The following RORB variants were observed in gnomAD, a reference collection of about 807,000 sequenced individuals.
RORB encodes the protein RAR related orphan receptor B, also known as nuclear receptor ROR-beta.
In RORB, 6 loss-of-function variants were observed where a neutral mutation model predicts 59.1. The observed-to-expected ratio is 0.10, with a 90% confidence interval of 0.06 to 0.20. The LOEUF (loss-of-function observed/expected upper bound fraction) is 0.20. Among genes scored for constraint, RORB ranks in the 10% least tolerant of loss-of-function variants. RORB has a pLI of 1.00. For synonymous variants in RORB, 215 were observed against 204.5 expected (o/e 1.05, Z -0.44); for missense variants, 320 against 560.5 (o/e 0.57, Z 4.33).
chr9:74,631,610 T>G (rs1401135806), intron 2 of RORB, among the ~76,000 whole-genome samples: 1 of 151,734 alleles, frequency 6.6e-6, no homozygotes, highest in Non-Finnish European at 1.5e-5. Flanking sequence ...AAAACTGGAG[T>G]GAAGAAAAGA....
rs562446132 is a variant in RORB, at chr9:74,607,153, C to T, written c.8-23129C>T. ...AACATGCAAAATTACTACCATCACC[C>T]ATGACACCAAATAATAGAAGTCTTC... On this transcript the variant is annotated intron_variant, in intron 1 of 9. Coordinates refer to ENST00000376896, the MANE Select transcript of RORB (RefSeq NM_006914.4). 9.8e-5 allele frequency among the ~76,000 whole-genome samples: 15 copies of T among 152,338 alleles called. 1 individual carries two copies. The highest frequency in any genetic ancestry group is 2.9e-4 in the African/African-American group (12 of 41,566).
In RORB at chr9:74,560,569, G is replaced by A. The variant is rs548827127; in HGVS notation, c.7+62586G>A. On this transcript the variant is annotated intron_variant, in intron 1 of 9. Coordinates refer to ENST00000376896, the MANE Select transcript of RORB (RefSeq NM_006914.4). ...GTTTTTAGATTTGGTAGAAACATTT[G>A]ATATCTTTCCAAAGAGAGACCAAAA... is the stretch of plus-strand genomic sequence containing the variant. 3.6e-4 allele frequency among the ~76,000 whole-genome samples: 54 copies of A among 152,036 alleles called. No individual in the cohort carries two copies. In the East Asian group the frequency reaches 9.5e-3, roughly 27 times the overall value.
At chr9:74,554,101 C>G (rs1044363323) in intron 1 of RORB, among the ~76,000 whole-genome samples, 1 of 152,156 alleles carries the variant, frequency 6.6e-6, no homozygotes, top group Admixed American at 6.5e-5. Flanking sequence ...CAAGCCCTTT[C>G]GTTGGGAGAT....
chr9:74,681,089 T>C (rs1309412520), intron 9 of RORB, among the ~76,000 whole-genome samples: 1 of 152,204 alleles, frequency 6.6e-6, no homozygotes, highest in Non-Finnish European at 1.5e-5. Context: ...AGATCCTCTG[T>C]CTACTTCTGC....
At chr9:74,610,630 A>G (rs760009142) in intron 1 of RORB, among the ~76,000 whole-genome samples, 7 of 152,246 alleles carry the variant, frequency 4.6e-5, no homozygotes, top group Non-Finnish European at 8.8e-5. Context: ...CATTCAGACC[A>G]CAGCATCACC....
Position 74,542,728 on chromosome 9 carries a change from A to T in RORB, c.7+44745A>T, listed in dbSNP as rs140341816. ...GCTAACTCTACTCAAGATGCTCATA[A>T]TTCCAGTATTAATTATCTAAGAATT... On this transcript the variant is annotated intron_variant, in intron 1 of 9. Coordinates refer to ENST00000376896, the MANE Select transcript of RORB (RefSeq NM_006914.4). Among the ~76,000 whole-genome samples, 938 of 152,322 alleles carry T rather than the reference A, an allele frequency of 6.2e-3. 4 individuals are homozygous for T. The highest frequency in any genetic ancestry group is 0.01 in the Non-Finnish European group (688 of 68,032).
At chr9:74,654,583 G>C (rs897219391) in intron 4 of RORB, among the ~76,000 whole-genome samples, 11 of 152,094 alleles carry the variant, frequency 7.2e-5, no homozygotes, top group Non-Finnish European at 1.3e-4. Flanking sequence ...GACTTCTAGG[G>C]AGGTTTGACA....
At chr9:74,531,522 T>A (rs1425006860) in intron 1 of RORB, among the ~76,000 whole-genome samples, 2 of 152,004 alleles carry the variant, frequency 1.3e-5, no homozygotes, top group African/African-American at 4.8e-5. Context: ...ATTTTATCCC[T>A]CTGTGAAATG....
At chr9:74,517,808 G>T (rs1049477920) in intron 1 of RORB, among the ~76,000 whole-genome samples, 23 of 151,896 alleles carry the variant, frequency 1.5e-4, no homozygotes, top group South Asian at 4.2e-4. Flanking sequence ...ACATTCCCTG[G>T]CATTAGTCTA....
rs544990295 is a variant in RORB at position 74,520,017 on chromosome 9, A to G, written c.7+22034A>G. ...ATTATCCTTGAAAACTGAAAGGCCC[A>G]CTTTGCTAACTGCTACACACAGCAC... On this transcript the variant is annotated intron_variant, in intron 1 of 9. Transcript: ENST00000376896. Among the ~76,000 whole-genome samples the G allele has an allele frequency of 6.2e-4, 94 of 151,990 alleles. 2 individuals are homozygous for G. The South Asian group carries it at 0.019, about 31-fold the overall frequency.
intron 9 of RORB, among the ~76,000 whole-genome samples, chr9:74,683,877 C>G (rs1479146608): frequency 6.6e-6 from 1 of 152,132 alleles, no homozygotes; most frequent in Non-Finnish European, 1.5e-5. Context: ...TTTGTGCATT[C>G]TGGTGTTTAG....
chr9:74,669,741 G>T (rs2118539042), intron 8 of RORB, among the ~76,000 whole-genome samples: 1 of 152,130 alleles, frequency 6.6e-6, no homozygotes. Context: ...CCGTTTATCT[G>T]TAGAGACCAG....
chr9:74,558,825 T>G (rs1822351484), intron 1 of RORB, among the ~76,000 whole-genome samples: 1 of 152,222 alleles, frequency 6.6e-6, no homozygotes. Flanking sequence ...CTGTATAATG[T>G]CATTTTACAT....
At chr9:74,620,285 C>G (rs367650742) in intron 1 of RORB, among the ~76,000 whole-genome samples, 2 of 152,114 alleles carry the variant, frequency 1.3e-5, no homozygotes, top group African/African-American at 4.8e-5. Context: ...GTGTATGTGT[C>G]GAGGAATTTA....
intron 1 of RORB, among the ~76,000 whole-genome samples, chr9:74,584,925 C>G (rs1015495676): frequency 6.6e-6 from 1 of 152,046 alleles, no homozygotes; most frequent in Admixed American, 6.5e-5. Context: ...TTGTTGGATA[C>G]AAAACAACGA....
intron 1 of RORB, among the ~76,000 whole-genome samples, chr9:74,589,932 C>CA (rs764185305): frequency 3.9e-5 from 6 of 152,206 alleles, no homozygotes; most frequent in Non-Finnish European, 8.8e-5. Context: ...TGGATAAGAA[C>CA]ATAGACTTTG....
rs139254198 is a variant in RORB at position 74,688,941 on chromosome 9, A to G, written c.*3323A>G. ...TTAGATAAAATGGACAAGGGAGGTGAAACCGGGTGAATTCAAACTTCAGTG... is the reference window on the plus strand; with the variant it reads ...TTAGATAAAATGGACAAGGGAGGTGGAACCGGGTGAATTCAAACTTCAGTG... On this transcript the variant is annotated 3_prime_UTR_variant, in exon 10 of 10. Coordinates refer to ENST00000376896, the MANE Select transcript of RORB (RefSeq NM_006914.4). 6.6e-6 allele frequency: 1 copy of G among 152,354 alleles called. No individual in the cohort carries two copies. Among genetic ancestry groups the G allele is most frequent in the East Asian group, 1.9e-4 (1 of 5,168 alleles). The allele number at this position is 152,354 out of a possible 1,614,324, so 9.4% of individuals were successfully genotyped here. A position where few individuals can be genotyped will look rare whatever the true frequency, so the allele number is the denominator to read the frequency against.
At chr9:74,644,085 A>G (rs1372716049) in intron 4 of RORB, among the ~76,000 whole-genome samples, 1 of 152,254 alleles carries the variant, frequency 6.6e-6, no homozygotes, top group Non-Finnish European at 1.5e-5. Flanking sequence ...ATAGGAGCCT[A>G]AAGCCTACAA....
intron 1 of RORB, among the ~76,000 whole-genome samples, chr9:74,562,028 T>C (rs1822403088): frequency 6.6e-6 from 1 of 152,184 alleles, no homozygotes; most frequent in Non-Finnish European, 1.5e-5. Flanking sequence ...AAACATTGTA[T>C]CCCTTTCAGT....
Sources: allele counts gnomAD v4.1 joint callset (sites outside exome capture counted in the v4.1 genomes callset), GRCh38; gene constraint gnomAD v4.1.1; transcripts MANE v1.5; gene names NCBI Gene and HGNC (gene_info 2026-07-23, HGNC 2026-07-21).